ZNF883: variants seen among roughly 807,000 people sequenced by gnomAD.
ZNF883 encodes zinc finger protein 883.
exon 1 of ZNF883, chr9:112,997,654 G>A: frequency 6.2e-7 from 1 of 1,611,492 alleles, no homozygotes. Flanking sequence ...CTCCTGTGTG[G>A]GTTCTCTGAT....
chr9:112,989,345 A>C (rs1828280999), intron 1 of ZNF883, among the ~76,000 whole-genome samples: 1 of 152,174 alleles, frequency 6.6e-6, no homozygotes, highest in Non-Finnish European at 1.5e-5. Context: ...GCATATGGCT[A>C]GCCAGTTCTC....
At position 112,991,051 on chromosome 9, in the gene ZNF883, C is replaced by A. The variant is rs565996645; in HGVS notation, n.310-7472G>T. The stretch of plus-strand genomic sequence containing the variant: ...CTATTTTATTAGTTTTTTCAAAAAC[C>A]AGCTCCTGGATTCATTGATTTTTTT... On this transcript the variant is annotated intron_variant and non_coding_transcript_variant, in intron 1 of 9. Coordinates refer to the ZNF883 transcript ENST00000638823. Among the ~76,000 whole-genome samples, 7 of 152,020 alleles carry A rather than the reference C, an allele frequency of 4.6e-5. No homozygotes were observed. In the South Asian group the frequency reaches 1.5e-3, roughly 32 times the overall value.
intron 1 of ZNF883, among the ~76,000 whole-genome samples, chr9:112,991,235 A>C (rs573613211): frequency 6.0e-4 from 91 of 151,938 alleles, no homozygotes; most frequent in Middle Eastern, 6.8e-3. Flanking sequence ...TAGTGCTATA[A>C]ATTTTCCTTT....
upstream of ZNF883, among the ~76,000 whole-genome samples, chr9:113,002,502 C>T (rs961739959): frequency 9.9e-5 from 15 of 151,988 alleles, no homozygotes; most frequent in African/African-American, 3.4e-4. Flanking sequence ...ACAAATGTAC[C>T]AAACTAACAT....
intron 2 of ZNF883, among the ~76,000 whole-genome samples, chr9:113,009,641 C>T (rs1218493531): frequency 1.3e-5 from 2 of 152,132 alleles, no homozygotes; most frequent in African/African-American, 4.8e-5. Context: ...TCCCGAGTAG[C>T]TGGGACTACA....
chr9:112,995,820 G>T (rs963958047), downstream of ZNF883, among the ~76,000 whole-genome samples: 1 of 151,966 alleles, frequency 6.6e-6, no homozygotes, highest in Non-Finnish European at 1.5e-5. Flanking sequence ...GATTGACTTC[G>T]AGTATTTAAG....
intron 1 of ZNF883, among the ~76,000 whole-genome samples, chr9:112,989,885 T>C (rs1469334775): frequency 6.6e-6 from 1 of 152,176 alleles, no homozygotes; most frequent in Non-Finnish European, 1.5e-5. Context: ...GTAGCATTTG[T>C]GAATGGGAGT....
At chr9:112,995,206 G>A (rs935899786), downstream of ZNF883, among the ~76,000 whole-genome samples, 2 of 151,122 alleles carry the variant, frequency 1.3e-5, no homozygotes, top group African/African-American at 4.8e-5. Context: ...TAGAATAAAA[G>A]GCTGAGTAAG....
intron 2 of ZNF883, among the ~76,000 whole-genome samples, chr9:113,004,558 C>G (rs1828457872): frequency 6.6e-6 from 1 of 151,958 alleles, no homozygotes; most frequent in Non-Finnish European, 1.5e-5. Flanking sequence ...AATGATCTTT[C>G]TCTTTGCCAT....
chr9:112,991,504 T>C (rs1304502630), intron 1 of ZNF883, among the ~76,000 whole-genome samples: 7 of 152,146 alleles, frequency 4.6e-5, no homozygotes, highest in Non-Finnish European at 1.0e-4. Context: ...TTACTTCCAA[T>C]TATGTGATCA....
chr9:112,998,978 G>A (rs1249473857), upstream of ZNF883: 2 of 151,706 alleles, frequency 1.3e-5, no homozygotes, highest in Non-Finnish European at 2.9e-5. Flanking sequence ...CATCAAATTC[G>A]AGTTCTTCTA....
chr9:112,990,910 T>G (rs1828295794), intron 1 of ZNF883, among the ~76,000 whole-genome samples: 1 of 152,242 alleles, frequency 6.6e-6, no homozygotes, highest in Non-Finnish European at 1.5e-5. Context: ...GAAGTGTTTA[T>G]AGTAGTCTCT....
chr9:112,994,306 C>T (rs765417265), downstream of ZNF883, among the ~76,000 whole-genome samples: 10 of 151,832 alleles, frequency 6.6e-5, no homozygotes, highest in South Asian at 2.2e-4. Context: ...CCTCACTCTC[C>T]GTGCTTTTCC....
chr9:112,997,314 T>C (rs1564332317), exon 1 of ZNF883: 4 of 1,614,190 alleles, frequency 2.5e-6, no homozygotes, highest in African/African-American at 1.3e-5. Flanking sequence ...TTCTCTCCTG[T>C]ATGCGTCCTC....
chr9:113,004,925 T>C (rs1331037557), intron 2 of ZNF883, among the ~76,000 whole-genome samples: 2 of 151,872 alleles, frequency 1.3e-5, no homozygotes, highest in African/African-American at 4.8e-5. Context: ...GGGGATTTAA[T>C]ATATGATAAA....
At chr9:112,997,552 G>C in exon 1 of ZNF883, 2 of 1,614,146 alleles carry the variant, frequency 1.2e-6, no homozygotes, top group Non-Finnish European at 1.7e-6. Flanking sequence ...TACACTCATA[G>C]GGTTTTTCTC....
At chr9:112,991,839 CTTCT>C (rs1466918154) in intron 1 of ZNF883, among the ~76,000 whole-genome samples, 1 of 152,090 alleles carries the variant, frequency 6.6e-6, no homozygotes, top group Non-Finnish European at 1.5e-5. Flanking sequence ...ATGTAATGCC[CTTCT>C]TTGTGTTTTT....
downstream of ZNF883, among the ~76,000 whole-genome samples, chr9:112,996,468 TCCTTA>T (rs1828354870): frequency 1.3e-5 from 2 of 152,318 alleles, no homozygotes; most frequent in African/African-American, 4.8e-5. Flanking sequence ...TGAACAATTT[TCCTTA>T]CCTAAGATTT....
intron 1 of ZNF883, among the ~76,000 whole-genome samples, chr9:112,992,010 C>G (rs976394097): frequency 1.3e-5 from 2 of 152,208 alleles, no homozygotes; most frequent in African/African-American, 4.8e-5. Flanking sequence ...ATACAACACA[C>G]TGATAGGTCT....
Sources: allele counts gnomAD v4.1 joint callset (sites outside exome capture counted in the v4.1 genomes callset), GRCh38; gene constraint gnomAD v4.1.1; transcripts MANE v1.5; gene names NCBI Gene and HGNC (gene_info 2026-07-23, HGNC 2026-07-21).